The following CTNND1 variants were observed in gnomAD, a reference collection of about 807,000 sequenced individuals.
CTNND1 encodes catenin delta 1, also known as catenin delta-1.
A neutral mutation model predicts 112.1 loss-of-function variants in CTNND1; 16 were observed. The ratio of observed to expected loss-of-function variants is 0.14; its 90% CI spans 0.10 to 0.22. CTNND1 has a LOEUF of 0.22. Among genes scored for constraint, CTNND1 ranks in the 10% least tolerant of loss-of-function variants. The pLI is 1.00. For missense variants in CTNND1, 1,008 were observed against 1,257.0 expected (o/e 0.80, Z 3.00); for synonymous variants, 420 against 446.5 (o/e 0.94, Z 0.75).
chr11:57,796,811 C>T lies in CTNND1; in HGVS notation c.775C>T (p.Pro259Ser). The T allele has an allele frequency of 6.2e-7, 1 of 1,610,102 alleles. No individual in the cohort carries two copies. Among genetic ancestry groups the T allele is most frequent in the Non-Finnish European group, 8.5e-7 (1 of 1,177,382 alleles). ...ACCTAGTAGACAGGATGTGTATGGG[C>T]CCCAACCCCAGGTTCGGGTAGGTGG... ...RAPSRQDVYG[P>S]QPQVRVGGSS... Residue 259 changes from proline (P) to serine (S), a missense_variant, in exon 6 of 21, where the codon CCC (proline) becomes TCC (serine). Around this residue, in one of 5 missense-constraint regions of CTNND1, gnomAD observed 404 missense variants for 457.9 expected, o/e 0.88. Coordinates refer to ENST00000399050, the MANE Select transcript of CTNND1 (RefSeq NM_001085458.2).
chr11:57,815,794 T>G (rs2137711653), intron 19 of CTNND1, 121 bp from the exon 20 acceptor site: 3 of 871,230 alleles, frequency 3.4e-6, no homozygotes, highest in African/African-American at 1.7e-5. Context: ...TGTTTTGCCC[T>G]TCTCTTACTA....
Position 57,795,876 on chromosome 11 carries a change from G to T in CTNND1, c.420+147G>T, listed in dbSNP as rs376747640. 3.3e-4 allele frequency: 294 copies of T among 895,914 alleles called. 2 individuals carry two copies. The African/African-American group carries it at 4.3e-3, about 13-fold the overall frequency. 55.5% of individuals were successfully genotyped at this position (895,914 alleles called of 1,614,324 possible). ...AAGTGATCTCTGGCCAGATAGAAAG[G>T]ATGAAGAGATGGGAAAATCTTATGG... On this transcript the variant is annotated intron_variant, in intron 5 of 20. Transcript: ENST00000399050.
intron 1 of CTNND1, among the ~76,000 whole-genome samples, chr11:57,763,406 C>A (rs923195998): frequency 6.6e-6 from 1 of 152,116 alleles, no homozygotes; most frequent in African/African-American, 2.4e-5. Context: ...TCTCCCCTCA[C>A]CCCCCTGCCA....
In CTNND1 at chr11:57,801,913, G is replaced by A; in HGVS notation, c.1137G>A (p.Leu379=). 6.2e-7 allele frequency: 1 copy of A among 1,614,012 alleles called. No individual in the cohort carries two copies. Among genetic ancestry groups the A allele is most frequent in the Non-Finnish European group, 8.5e-7 (1 of 1,179,894 alleles). The change falls in exon 7 of 21, where the codon TTG becomes TTA. Residue 379 remains leucine, a synonymous_variant. Coordinates refer to ENST00000399050, the MANE Select transcript of CTNND1 (RefSeq NM_001085458.2). Reference sequence around the variant, plus strand: ...TGATCGCCATGCTTGGATTCCGCTTGGATGCTGTCAAGTCCAATGCAGCTG... The same window carrying A: ...TGATCGCCATGCTTGGATTCCGCTTAGATGCTGTCAAGTCCAATGCAGCTG... ...PEVIAMLGFR[L]DAVKSNAAAY... is the part of the protein sequence containing the mutation.
intron 14 of CTNND1, 77 bp from the exon 15 acceptor site, chr11:57,809,197 A>G: frequency 9.9e-7 from 1 of 1,008,220 alleles, no homozygotes; most frequent in South Asian, 1.5e-5. Context: ...TGATATGATT[A>G]ATGCAGTTAA....
At chr11:57,789,731 C>T (rs769972755) in intron 2 of CTNND1, among the ~76,000 whole-genome samples, 9 of 152,092 alleles carry the variant, frequency 5.9e-5, no homozygotes, top group African/African-American at 1.9e-4. Context: ...TGTGTTGGGC[C>T]GCATTCAAAG....
At position 57,796,591 on chromosome 11, in the gene CTNND1, T is replaced by C; in HGVS notation, c.555T>C (p.Asn185=). 2 of 1,614,016 alleles carry C rather than the reference T, an allele frequency of 1.2e-6. No homozygotes were observed. The highest frequency in any genetic ancestry group is 1.1e-5 in the South Asian group (1 of 91,088). The change falls in exon 6 of 21, where the codon AAT becomes AAC. Residue 185 remains asparagine, a synonymous_variant. Coordinates refer to ENST00000399050, the MANE Select transcript of CTNND1 (RefSeq NM_001085458.2). ...CTTTGGGTCGTGATTTCCGCAAGAA[T>C]GGCAATGGGGGACCTGGTCCCTATG... The part of the protein sequence containing the change: ...IQTLGRDFRK[N]GNGGPGPYVG...
Position 57,795,582 on chromosome 11 carries a change from C to T in CTNND1, c.273C>T (p.His91=). ...SDLKLNGPQD[H]SHLLYSTIPR... is the part of the protein sequence containing the mutation. ...CTTTTCTCTTTTGCATATAGGATCA[C>T]AGTCACCTTCTATATAGCACCATCC... The change falls in exon 5 of 21, where the codon CAC becomes CAT. Residue 91 remains histidine (H), a synonymous_variant. Coordinates refer to ENST00000399050, the MANE Select transcript of CTNND1 (RefSeq NM_001085458.2). 6.2e-7 allele frequency: 1 copy of T among 1,610,224 alleles called. No homozygotes were observed.
At chr11:57,769,701 C>T (rs1952078605) in intron 1 of CTNND1, among the ~76,000 whole-genome samples, 1 of 151,966 alleles carries the variant, frequency 6.6e-6, no homozygotes, top group South Asian at 2.1e-4. Flanking sequence ...CTTTGCCTCA[C>T]TAACAGTTAA....
rs764005200 is a variant in CTNND1, at chr11:57,806,956, T to A, written c.1936T>A (p.Phe646Ile). 1.2e-6 allele frequency: 2 copies of A among 1,601,964 alleles called. No individual in the cohort carries two copies. Among genetic ancestry groups the A allele is most frequent in the Non-Finnish European group, 1.7e-6 (2 of 1,173,996 alleles). The change falls in exon 12 of 21, where the codon TTC becomes ATC. Residue 646 changes from phenylalanine to isoleucine, a missense_variant. Physicochemically the swap from Phe to Ile is conservative, Grantham distance 21. This residue lies in a region of CTNND1 where 254 missense variants were observed against 279.5 expected (regional missense o/e 0.91). Transcript: ENST00000399050. ...GGATCCAGCAAACGATACAGTGGAT[T>A]TCCCTAAAAGAACGAGTCCAGCTCG... ...IEDPANDTVD[F>I]PKRTSPARGY... is the part of the protein sequence containing the mutation.
Position 57,809,209 on chromosome 11 carries a change from T to TATA in CTNND1, c.2243-62_2243-60dup. ...ACTTGATATGATTAATGCAGTTAAG[T>TATA]ATAATGTAAGGCTCTTCATGACCTG... is the stretch of plus-strand genomic sequence containing the variant. On this transcript the variant is annotated intron_variant, in intron 14 of 20. Coordinates refer to ENST00000399050, the MANE Select transcript of CTNND1 (RefSeq NM_001085458.2). 3.4e-6 allele frequency: 4 copies of TATA among 1,163,868 alleles called. No homozygotes were observed. The South Asian group carries it at 5.5e-5, about 16-fold the overall frequency. 72.1% of individuals were successfully genotyped at this position (1,163,868 alleles called of 1,614,324 possible). A position where few individuals can be genotyped will look rare whatever the true frequency, so the allele number is the denominator to read the frequency against.
At chr11:57,783,965 C>A (rs1466193842) in intron 1 of CTNND1, among the ~76,000 whole-genome samples, 1 of 151,892 alleles carries the variant, frequency 6.6e-6, no homozygotes, top group African/African-American at 2.4e-5. Flanking sequence ...TACTCTGTCG[C>A]CCAGGTGGCA....
intron 1 of CTNND1, among the ~76,000 whole-genome samples, chr11:57,776,475 G>A (rs1448250968): frequency 2.6e-5 from 4 of 152,104 alleles, no homozygotes; most frequent in Non-Finnish European, 4.4e-5. Context: ...CTTCTGCCTC[G>A]CCTCCCTGTA....
chr11:57,767,832 A>G (rs1247140421), intron 1 of CTNND1, among the ~76,000 whole-genome samples: 1 of 146,870 alleles, frequency 6.8e-6, no homozygotes, highest in African/African-American at 2.5e-5. Context: ...ATGCCCTTGA[A>G]GGTCTTTTTT....
intron 1 of CTNND1, among the ~76,000 whole-genome samples, chr11:57,773,621 C>CTT (rs879611637): frequency 7.2e-6 from 1 of 138,122 alleles, no homozygotes; most frequent in Non-Finnish European, 1.6e-5. Context: ...CTGGCTATGT[C>CTT]TTTTTTTTTT....
At chr11:57,769,269 C>G (rs565045235) in intron 1 of CTNND1, among the ~76,000 whole-genome samples, 1 of 151,922 alleles carries the variant, frequency 6.6e-6, no homozygotes, top group Admixed American at 6.6e-5. Flanking sequence ...TTGCAGTGAG[C>G]CGATATCATG....
At chr11:57,808,113 T>C (rs2062938622) in intron 12 of CTNND1, 52 bp from the exon 13 acceptor site, 1 of 1,560,884 alleles carries the variant, frequency 6.4e-7, no homozygotes, top group Non-Finnish European at 8.7e-7. Context: ...AGCTAGAGCC[T>C]GGTTTATTGG....
rs1431689374 is a variant in CTNND1 at position 57,788,684 on chromosome 11, G to A, written c.-213-353G>A. Among the ~76,000 whole-genome samples, 1 of 152,158 alleles carries A rather than the reference G, an allele frequency of 6.6e-6. No homozygotes were observed. Among genetic ancestry groups the A allele is most frequent in the Non-Finnish European group, 1.5e-5 (1 of 68,020 alleles). ...TTTCTGCCTTAGGGGTGGGAAGGGA[G>A]GGGGAAGGGCATTCCAACAGCAGTT... On this transcript the variant is annotated intron_variant, in intron 1 of 20. Transcript: ENST00000399050. This position sits in a 1 kb window ranked among gnomAD's most constrained non-coding sequence, Gnocchi z 4.1.
chr11:57,810,925 C>G (rs1011654630), intron 16 of CTNND1, among the ~76,000 whole-genome samples: 14 of 151,702 alleles, frequency 9.2e-5, no homozygotes, highest in Non-Finnish European at 1.9e-4. Flanking sequence ...CTGCTGCACT[C>G]CAGCCTGGGC....
Sources: allele counts gnomAD v4.1 joint callset (sites outside exome capture counted in the v4.1 genomes callset), GRCh38; gene constraint gnomAD v4.1.1; regional missense constraint gnomAD v4.1.1; non-coding constraint Gnocchi (gnomAD v3.1); transcripts MANE v1.5; gene names NCBI Gene and HGNC (gene_info 2026-07-23, HGNC 2026-07-21).